The following ERC2 variants were observed in gnomAD, a reference collection of about 807,000 sequenced individuals.
The protein encoded by ERC2 is ERC protein 2.
Under a neutral mutation model 114.8 loss-of-function variants are expected in ERC2, and 42 were observed. The observed-to-expected ratio is 0.37, with a 90% CI of 0.29 to 0.47. The LOEUF is 0.47. Ranked by LOEUF, ERC2 falls within the 20% of genes least tolerant of loss-of-function variation. The pLI is 0.99. For synonymous variants in ERC2, 454 were observed against 425.5 expected (o/e 1.07, Z -0.82); for missense variants, 939 against 1,150.7 (o/e 0.82, Z 2.66).
chr3:55,624,195 A>C (rs1182248156), intron 17 of ERC2, among the ~76,000 whole-genome samples: 1 of 152,258 alleles, frequency 6.6e-6, no homozygotes, highest in Non-Finnish European at 1.5e-5. Flanking sequence ...CAATAAGCAC[A>C]GAGATGTGAA....
intron 6 of ERC2, among the ~76,000 whole-genome samples, chr3:56,089,146 C>T (rs965225365): frequency 6.6e-6 from 1 of 152,134 alleles, no homozygotes; most frequent in African/African-American, 2.4e-5. Context: ...GGGAATAAGT[C>T]CTCCAGAGTT....
intron 1 of ERC2, among the ~76,000 whole-genome samples, chr3:56,464,839 AC>A (rs1209255828): frequency 6.6e-6 from 1 of 152,078 alleles, no homozygotes; most frequent in East Asian, 1.9e-4. Flanking sequence ...TGCCCCACGG[AC>A]CAGCCAAAAT....
intron 15 of ERC2, among the ~76,000 whole-genome samples, chr3:55,732,300 A>G (rs995983826): frequency 2.0e-5 from 3 of 152,166 alleles, no homozygotes; most frequent in African/African-American, 7.2e-5. Context: ...CAATAAGGAT[A>G]CTGAAATTCA....
At chr3:55,543,916 G>C (rs1316613945) in intron 17 of ERC2, among the ~76,000 whole-genome samples, 2 of 152,176 alleles carry the variant, frequency 1.3e-5, no homozygotes, top group Non-Finnish European at 2.9e-5. Context: ...CCTCAATTCA[G>C]ATTCTCAAGA....
At chr3:55,710,163 C>T (rs572790780) in intron 15 of ERC2, among the ~76,000 whole-genome samples, 5 of 151,984 alleles carry the variant, frequency 3.3e-5, no homozygotes, top group South Asian at 2.1e-4. Flanking sequence ...TAACTAGGGT[C>T]GATTTAGTTC....
chr3:55,651,905 G>T (rs534146666), intron 17 of ERC2, among the ~76,000 whole-genome samples: 1 of 152,184 alleles, frequency 6.6e-6, no homozygotes, highest in African/African-American at 2.4e-5. Flanking sequence ...CCAGCAGCTC[G>T]GAATGCTGTT....
chr3:55,554,899 G>C (rs1475797080), intron 17 of ERC2, among the ~76,000 whole-genome samples: 1 of 152,132 alleles, frequency 6.6e-6, no homozygotes, highest in South Asian at 2.1e-4. Flanking sequence ...TAAGCTTTCA[G>C]CTTACCCCAG....
At chr3:56,239,233 C>T (rs976493165) in intron 3 of ERC2, among the ~76,000 whole-genome samples, 1 of 152,156 alleles carries the variant, frequency 6.6e-6, no homozygotes, top group Non-Finnish European at 1.5e-5. Context: ...AAAGAATAAA[C>T]GAGCCAGGCA....
intron 15 of ERC2, among the ~76,000 whole-genome samples, chr3:55,732,025 T>C (rs531362241): frequency 7.2e-4 from 110 of 152,190 alleles, no homozygotes; most frequent in African/African-American, 2.6e-3. Flanking sequence ...GGGGTATGTG[T>C]GGAATCCGGT....
intron 6 of ERC2, among the ~76,000 whole-genome samples, chr3:56,134,935 T>TGTTTTC: frequency 6.8e-6 from 1 of 147,518 alleles, no homozygotes; most frequent in East Asian, 2.0e-4. Context: ...TTTTTGTTTT[T>TGTTTTC]GTTTTTGTTT....
intron 14 of ERC2, among the ~76,000 whole-genome samples, chr3:55,819,123 G>T (rs1301696475): frequency 6.6e-6 from 1 of 152,130 alleles, no homozygotes; most frequent in Non-Finnish European, 1.5e-5. Context: ...ACATCTTTTG[G>T]TGCCAGAAAT....
At chr3:55,672,923 C>A (rs1288468076) in intron 17 of ERC2, among the ~76,000 whole-genome samples, 1 of 152,188 alleles carries the variant, frequency 6.6e-6, no homozygotes, top group East Asian at 1.9e-4. Context: ...CGGGCTCCAT[C>A]AGCATGTTGG....
chr3:55,642,425 C>G (rs1344011182), intron 17 of ERC2, among the ~76,000 whole-genome samples: 6 of 152,044 alleles, frequency 3.9e-5, no homozygotes, highest in South Asian at 2.1e-4. Flanking sequence ...ACCTCTGCCC[C>G]TGGGGTTCAA....
intron 14 of ERC2, among the ~76,000 whole-genome samples, chr3:55,786,184 C>T (rs924216658): frequency 6.6e-6 from 1 of 152,180 alleles, no homozygotes; most frequent in Non-Finnish European, 1.5e-5. Flanking sequence ...GAGCCAAGTC[C>T]TGTCCTTCTG....
intron 17 of ERC2, among the ~76,000 whole-genome samples, chr3:55,672,379 C>G (rs891232506): frequency 1.1e-4 from 17 of 151,576 alleles, no homozygotes; most frequent in Non-Finnish European, 2.2e-4. Flanking sequence ...CCAACACCAT[C>G]AGTGCACTGA....
intron 14 of ERC2, among the ~76,000 whole-genome samples, chr3:55,856,628 A>G (rs182177145): frequency 1.3e-4 from 20 of 152,326 alleles, no homozygotes; most frequent in Admixed American, 1.1e-3. Context: ...AATATGATAC[A>G]CACACATACG....
intron 13 of ERC2, among the ~76,000 whole-genome samples, chr3:55,919,657 A>G (rs1193757133): frequency 6.6e-6 from 1 of 152,182 alleles, no homozygotes; most frequent in African/African-American, 2.4e-5. Flanking sequence ...TAAAATGTGT[A>G]ATAACTGAGA....
intron 3 of ERC2, among the ~76,000 whole-genome samples, chr3:56,181,729 A>C (rs1474173125): frequency 6.6e-6 from 1 of 152,168 alleles, no homozygotes; most frequent in Non-Finnish European, 1.5e-5. Context: ...TTGACTTCTG[A>C]GGCCTAGGTT....
chr3:56,031,700 T>C (rs571679450), intron 7 of ERC2, among the ~76,000 whole-genome samples: 55 of 152,170 alleles, frequency 3.6e-4, no homozygotes, highest in African/African-American at 1.3e-3. Context: ...ATAACAATCA[T>C]CTTTAAAAAC....
Sources: gnomAD v4.1 joint callset for allele counts (sites outside exome capture counted in the v4.1 genomes callset) on GRCh38, gnomAD v4.1.1 for gene constraint, MANE v1.5 for transcripts, NCBI Gene and HGNC (gene_info 2026-07-23, HGNC 2026-07-21) for gene names.